The following SIL1 variants were observed in gnomAD, a reference collection of about 807,000 sequenced individuals.
SIL1 encodes nucleotide exchange factor SIL1.
SIL1 carries 40 observed loss-of-function variants against 49.1 expected under a neutral mutation model. The observed-to-expected ratio is 0.81, with a 90% CI of 0.63 to 1.06. SIL1 has a LOEUF of 1.06. Among genes scored for constraint, SIL1 ranks in the 50% least tolerant of loss-of-function variants. SIL1 has a pLI of 0.00. For synonymous variants in SIL1, 253 were observed against 250.8 expected, an observed-to-expected ratio of 1.01 and a Z score of -0.08; for missense variants, 500 against 572.6, an observed-to-expected ratio of 0.87 and a Z score of 1.29.
chr5:138,966,743 A>G (rs1019677225), intron 7 of SIL1, among the ~76,000 whole-genome samples: 1 of 152,050 alleles, frequency 6.6e-6, no homozygotes, highest in African/African-American at 2.4e-5. Context: ...TGACAACTCA[A>G]TGAGGCAGAC....
chr5:139,125,868 G>A (rs1750741632), intron 2 of SIL1, among the ~76,000 whole-genome samples: 1 of 152,206 alleles, frequency 6.6e-6, no homozygotes, highest in African/African-American at 2.4e-5. Context: ...CGCCTCCTGA[G>A]ATGTGGCATC....
intron 3 of SIL1, among the ~76,000 whole-genome samples, chr5:139,060,766 T>C (rs923850339): frequency 6.6e-6 from 1 of 152,170 alleles, no homozygotes; most frequent in African/African-American, 2.4e-5. Context: ...AATGTGACAG[T>C]AAATATTTCT....
chr5:139,151,018 T>C (rs1457638954), intron 1 of SIL1, among the ~76,000 whole-genome samples: 1 of 152,068 alleles, frequency 6.6e-6, no homozygotes, highest in African/African-American at 2.4e-5. Context: ...AAGGCAGCAA[T>C]TTTCAGGAGG....
rs1766792469 is a variant in SIL1, at chr5:138,952,023, C to A, written c.768-139G>T. On this transcript the variant is annotated intron_variant, in intron 7 of 9. Coordinates refer to ENST00000394817, the MANE Select transcript of SIL1 (RefSeq NM_022464.5). ...CCCACACGGGGCAAGTCAAACTCAGCTGGGGAAACAAAGACCATCTGGCAC... is the reference window on the plus strand; with the variant it reads ...CCCACACGGGGCAAGTCAAACTCAGATGGGGAAACAAAGACCATCTGGCAC... 7 of 789,464 alleles carry A rather than the reference C, an allele frequency of 8.9e-6. No homozygotes were observed. In the Admixed American group the frequency reaches 1.4e-4, roughly 16 times the overall value. The allele number at this position is 789,464 out of a possible 1,614,324, so 48.9% of individuals were successfully genotyped here. A position where few individuals can be genotyped will look rare whatever the true frequency, so the allele number is the denominator to read the frequency against.
At chr5:138,976,544 G>A (rs1767397520) in intron 7 of SIL1, among the ~76,000 whole-genome samples, 1 of 151,828 alleles carries the variant, frequency 6.6e-6, no homozygotes, top group Non-Finnish European at 1.5e-5. Context: ...AAACCCCTGA[G>A]CTCAGGAGAT....
At chr5:139,048,631 A>G (rs1473139029) in intron 4 of SIL1, among the ~76,000 whole-genome samples, 1 of 151,982 alleles carries the variant, frequency 6.6e-6, no homozygotes, top group African/African-American at 2.4e-5. Flanking sequence ...CAGCCTCCCA[A>G]AATGTTGGTA....
At chr5:139,122,694 G>C (rs949305792) in intron 2 of SIL1, among the ~76,000 whole-genome samples, 3 of 152,042 alleles carry the variant, frequency 2.0e-5, no homozygotes, top group African/African-American at 7.3e-5. Flanking sequence ...AAAATGTTAA[G>C]GTGCTGGTGA....
intron 7 of SIL1, among the ~76,000 whole-genome samples, chr5:138,972,884 CG>C (rs1203196842): frequency 6.6e-6 from 1 of 152,176 alleles, no homozygotes; most frequent in Non-Finnish European, 1.5e-5. Context: ...CCAGGACAAA[CG>C]GGTCCTGGGT....
intron 1 of SIL1, 93 bp from the exon 2 acceptor site, chr5:139,127,946 G>T: frequency 1.3e-6 from 1 of 790,208 alleles, no homozygotes; most frequent in Non-Finnish European, 2.2e-6. Context: ...TTGCTCACAT[G>T]TCAGACATTT....
At chr5:139,100,416 GA>G (rs1463163197) in intron 3 of SIL1, among the ~76,000 whole-genome samples, 1 of 152,188 alleles carries the variant, frequency 6.6e-6, no homozygotes, top group Non-Finnish European at 1.5e-5. Context: ...CAAATGAAAT[GA>G]CAGAGGTAAT....
intron 1 of SIL1, among the ~76,000 whole-genome samples, chr5:139,153,660 A>G (rs1319681957): frequency 6.6e-6 from 1 of 152,198 alleles, no homozygotes; most frequent in Non-Finnish European, 1.5e-5. Flanking sequence ...TTCATCAGCT[A>G]TCTGTTGCAG....
intron 1 of SIL1, among the ~76,000 whole-genome samples, chr5:139,143,324 C>CATATATATATAT (rs1561878684): frequency 8.2e-6 from 1 of 121,326 alleles, no homozygotes; most frequent in African/African-American, 3.8e-5. Flanking sequence ...CACACACACA[C>CATATATATATAT]ACACACACAC....
At chr5:139,044,506 A>C (rs576540257) in intron 4 of SIL1, among the ~76,000 whole-genome samples, 1 of 152,256 alleles carries the variant, frequency 6.6e-6, no homozygotes, top group Admixed American at 6.5e-5. Flanking sequence ...ACGCACACAC[A>C]CGAAACAGTC....
At chr5:139,004,470 TTC>T (rs1768064806) in intron 7 of SIL1, among the ~76,000 whole-genome samples, 1 of 152,186 alleles carries the variant, frequency 6.6e-6, no homozygotes. Flanking sequence ...TAGAGGTTTA[TTC>T]TCTTTATTCT....
intron 1 of SIL1, among the ~76,000 whole-genome samples, chr5:139,173,816 G>A (rs61433157): frequency 1.8e-4 from 26 of 143,070 alleles, no homozygotes; most frequent in Non-Finnish European, 3.4e-4. Context: ...AAAATTAGCC[G>A]GGCGTGGTGG....
At chr5:139,148,708 G>A (rs1055545142) in intron 1 of SIL1, among the ~76,000 whole-genome samples, 1 of 152,192 alleles carries the variant, frequency 6.6e-6, no homozygotes, top group Non-Finnish European at 1.5e-5. Context: ...GAGAGGCCAA[G>A]TGGCCGTCCT....
rs116161815 is a variant in SIL1, at chr5:138,984,269, C to T, written c.768-32385G>A. Among the ~76,000 whole-genome samples, 131 of 151,848 alleles carry T rather than the reference C, an allele frequency of 8.6e-4. 1 individual carries two copies. The highest frequency in any genetic ancestry group is 3.0e-3 in the African/African-American group (125 of 41,418). ...GAATGAACTCCTTAGAACCTGGATG[C>T]CAAGGATTACTTAGTCTCAGGCAGG... On this transcript the variant is annotated intron_variant, in intron 7 of 9. Coordinates refer to ENST00000394817, the MANE Select transcript of SIL1 (RefSeq NM_022464.5).
At chr5:139,117,877 G>A (rs983078101) in intron 3 of SIL1, among the ~76,000 whole-genome samples, 2 of 152,130 alleles carry the variant, frequency 1.3e-5, no homozygotes, top group African/African-American at 4.8e-5. Flanking sequence ...GGCCCACGAA[G>A]TCATGAGTTT....
intron 3 of SIL1, among the ~76,000 whole-genome samples, chr5:139,106,404 A>G (rs1163879532): frequency 1.3e-5 from 2 of 152,268 alleles, no homozygotes; most frequent in Non-Finnish European, 2.9e-5. Context: ...ATCCTGTAAT[A>G]TAATACACAA....
Sources: allele counts gnomAD v4.1 joint callset (sites outside exome capture counted in the v4.1 genomes callset), GRCh38; gene constraint gnomAD v4.1.1; transcripts MANE v1.5; gene names NCBI Gene and HGNC (gene_info 2026-07-23, HGNC 2026-07-21).